The following SH3BP5 variants were observed in gnomAD, a reference collection of about 807,000 sequenced individuals.
The protein encoded by SH3BP5 is SH3 domain binding protein 5.
Under a neutral mutation model 43.3 loss-of-function variants are expected in SH3BP5, and 22 were observed. That is an observed-to-expected ratio of 0.51 (90% CI 0.36 to 0.73). The LOEUF (loss-of-function observed/expected upper bound fraction) is 0.73, where lower values mean the gene tolerates loss of function less well. Among genes scored for constraint, SH3BP5 ranks in the 30% least tolerant of loss-of-function variants. The pLI is 0.00. For missense variants in SH3BP5, 529 were observed against 586.9 expected (o/e 0.90, Z 1.02); for synonymous variants, 255 against 225.8 (o/e 1.13, Z -1.16).
intron 4 of SH3BP5, among the ~76,000 whole-genome samples, chr3:15,268,966 G>C (rs186260451): frequency 9.9e-5 from 15 of 152,238 alleles, no homozygotes. Flanking sequence ...ACCTACCAAT[G>C]CACTTCTCAT....
chr3:15,283,642 C>T (rs826431), intron 3 of SH3BP5, among the ~76,000 whole-genome samples: 68,482 of 152,102 alleles, frequency 0.45, 17,177 homozygotes, highest in Non-Finnish European at 0.56. Context: ...GTCTCTTCTG[C>T]GATGATTTAA....
At chr3:15,310,911 G>A (rs943999197) in intron 2 of SH3BP5, among the ~76,000 whole-genome samples, 4 of 152,148 alleles carry the variant, frequency 2.6e-5, no homozygotes, top group Admixed American at 2.0e-4. Context: ...ACACCAGCCA[G>A]CACCAGTATA....
At chr3:15,285,468 G>A (rs1368325554) in intron 3 of SH3BP5, among the ~76,000 whole-genome samples, 7 of 152,190 alleles carry the variant, frequency 4.6e-5, no homozygotes, top group African/African-American at 7.2e-5. Flanking sequence ...AATTAAGCCT[G>A]GGAAAAGAAT....
intron 3 of SH3BP5, among the ~76,000 whole-genome samples, chr3:15,295,890 G>A (rs1697555029): frequency 1.3e-5 from 2 of 152,210 alleles, no homozygotes; most frequent in Admixed American, 1.3e-4. Flanking sequence ...ATCACCCAGA[G>A]TCAGGAGAAC....
At chr3:15,298,214 C>A (rs58432818) in intron 3 of SH3BP5, among the ~76,000 whole-genome samples, 3 of 152,072 alleles carry the variant, frequency 2.0e-5, no homozygotes, top group African/African-American at 7.3e-5. Flanking sequence ...GCAGTCCTCC[C>A]GCCTTGGCCT....
Position 15,258,895 on chromosome 3 carries a change from A to T in SH3BP5, c.825T>A (p.Ala275=). The part of the protein sequence containing the change: ...AMGPRGCGVG[A]EGSSTSVEDL... Reference sequence around the variant, plus strand: ...CCTCCACAGATGTGCTGCTGCCCTCAGCACCAACACCGCATCCCCGAGGCC... The same window carrying T: ...CCTCCACAGATGTGCTGCTGCCCTCTGCACCAACACCGCATCCCCGAGGCC... Residue 275 remains alanine (A), a synonymous_variant, in exon 7 of 9, where the codon GCT becomes GCA. Coordinates refer to ENST00000383791, the MANE Select transcript of SH3BP5 (RefSeq NM_004844.5). The T allele has an allele frequency of 1.2e-6, 2 of 1,614,240 alleles. No individual in the cohort carries two copies. Among genetic ancestry groups the T allele is most frequent in the Non-Finnish European group, 1.7e-6 (2 of 1,180,040 alleles).
At position 15,259,771 on chromosome 3, in the gene SH3BP5, A is replaced by G. The variant is rs372141137; in HGVS notation, c.659T>C (p.Val220Ala). The G allele has an allele frequency of 1.9e-6, 3 of 1,614,178 alleles. No homozygotes were observed. The highest frequency in any genetic ancestry group is 2.5e-6 in the Non-Finnish European group (3 of 1,180,000). ...PYFELKAKYY[V>A]QLEQLKKTVD... is the part of the protein sequence containing the mutation. ...CAAAGCTACACATACCTCGAGCTGC[A>G]CATAGTACTTTGCCTTGAGTTCAAA... Residue 220 changes from valine to alanine, a missense_variant, in exon 6 of 9, where the codon GTG becomes GCG. By Grantham distance (64) the Val-to-Ala change is moderately conservative. Coordinates refer to ENST00000383791, the MANE Select transcript of SH3BP5 (RefSeq NM_004844.5).
At chr3:15,310,772 A>C (rs1698035075) in intron 2 of SH3BP5, among the ~76,000 whole-genome samples, 1 of 152,148 alleles carries the variant, frequency 6.6e-6, no homozygotes, top group Admixed American at 6.6e-5. Flanking sequence ...TGTTTCATCC[A>C]TTAGGTGACT....
chr3:15,319,912 C>T (rs894466883), intron 2 of SH3BP5, among the ~76,000 whole-genome samples: 4 of 152,284 alleles, frequency 2.6e-5, no homozygotes, highest in Admixed American at 2.6e-4. Flanking sequence ...AAATTCCTGA[C>T]CCACAAATCA....
intron 7 of SH3BP5, chr3:15,258,419 G>A (rs149076559): frequency 8.4e-4 from 191 of 226,820 alleles, no homozygotes; most frequent in African/African-American, 3.6e-3. Flanking sequence ...AGTAGATAGC[G>A]TCATACTCCC....
chr3:15,322,334 G>A (rs546303012), intron 2 of SH3BP5, among the ~76,000 whole-genome samples: 41 of 151,976 alleles, frequency 2.7e-4, no homozygotes, highest in African/African-American at 9.9e-4. Flanking sequence ...CCCCCACTAA[G>A]TAGACCATGG....
chr3:15,285,635 C>CT (rs1697245284), intron 3 of SH3BP5, among the ~76,000 whole-genome samples: 1 of 146,880 alleles, frequency 6.8e-6, no homozygotes. Flanking sequence ...TTCACTTGGT[C>CT]TTCTCAACAA....
chr3:15,314,723 T>C lies in SH3BP5; in HGVS notation c.202-10492A>G, dbSNP rs571466555. ...ACAGCCCCAAGGTGACAAATACAAA[T>C]GGAAAGGAATGGAATAGGAAGAATA... On this transcript the variant is annotated intron_variant, in intron 2 of 8. Coordinates refer to ENST00000383791, the MANE Select transcript of SH3BP5 (RefSeq NM_004844.5). Among the ~76,000 whole-genome samples, 24 of 152,280 alleles carry C rather than the reference T, an allele frequency of 1.6e-4. No homozygotes were observed. In the East Asian group the frequency reaches 1.7e-3, roughly 11 times the overall value.
chr3:15,311,110 T>C (rs566823378), intron 2 of SH3BP5, among the ~76,000 whole-genome samples: 25 of 152,222 alleles, frequency 1.6e-4, no homozygotes, highest in Admixed American at 1.0e-3. Context: ...ATAACTGTCC[T>C]ACATGTTAGA....
At chr3:15,327,643 C>T (rs1698498013) in intron 2 of SH3BP5, among the ~76,000 whole-genome samples, 1 of 152,214 alleles carries the variant, frequency 6.6e-6, no homozygotes, top group Non-Finnish European at 1.5e-5. Flanking sequence ...CTGCTACTCA[C>T]CCCAACCAAA....
chr3:15,306,730 A>T (rs906117340), intron 2 of SH3BP5, among the ~76,000 whole-genome samples: 1 of 152,110 alleles, frequency 6.6e-6, no homozygotes, highest in Non-Finnish European at 1.5e-5. Flanking sequence ...GTGCAGTGGC[A>T]TGACCTCAGC....
chr3:15,297,229 C>T (rs1697602338), intron 3 of SH3BP5, among the ~76,000 whole-genome samples: 1 of 152,158 alleles, frequency 6.6e-6, no homozygotes, highest in Admixed American at 6.5e-5. Flanking sequence ...TACTCCCTCC[C>T]TCATCATTTT....
intron 7 of SH3BP5, chr3:15,257,336 C>T: frequency 1.8e-6 from 1 of 542,352 alleles, no homozygotes; most frequent in East Asian, 3.0e-5. Context: ...ATTAAGCGCC[C>T]TTCCAATAAC....
At chr3:15,333,031 G>A (rs1698655900), upstream of SH3BP5, 1 of 942,260 alleles carries the variant, frequency 1.1e-6, no homozygotes, top group Non-Finnish European at 1.3e-6. Flanking sequence ...CATTGCCGAA[G>A]GCTGCGGCCT....
Sources: gnomAD v4.1 joint callset for allele counts (sites outside exome capture counted in the v4.1 genomes callset) on GRCh38, gnomAD v4.1.1 for gene constraint, MANE v1.5 for transcripts, NCBI Gene and HGNC (gene_info 2026-07-23, HGNC 2026-07-21) for gene names.